GPR35: variants seen among roughly 807,000 people sequenced by gnomAD.
GPR35 encodes the protein KYNA receptor.
For synonymous variants in GPR35, 207 were observed against 198.4 expected, an observed-to-expected ratio of 1.04 and a Z score of -0.36; for missense variants, 372 against 422.5, an observed-to-expected ratio of 0.88 and a Z score of 1.05.
intron 4 of GPR35, among the ~76,000 whole-genome samples, chr2:240,618,294 CCA>C (rs1389499593): frequency 1.3e-5 from 2 of 152,160 alleles, no homozygotes; most frequent in Middle Eastern, 3.2e-3. Flanking sequence ...CAGTATATAA[CCA>C]CTGAAAATAG....
At position 240,632,034 on chromosome 2, in the gene GPR35, T is replaced by TG. The variant is rs1439864871; in HGVS notation, c.*1153dup. Among the ~76,000 whole-genome samples, 2 of 57,680 alleles carry TG rather than the reference T, an allele frequency of 3.5e-5. No homozygotes were observed. Among genetic ancestry groups the TG allele is most frequent in the Non-Finnish European group, 6.2e-5 (1 of 16,206 alleles). The allele number at this position is 57,680 out of a possible 152,430, so 37.8% of individuals were successfully genotyped here. On this transcript the variant is annotated 3_prime_UTR_variant, in exon 2 of 2. Coordinates refer to ENST00000407714, the MANE Select transcript of GPR35 (RefSeq NM_005301.5). ...AGGGCTCTGTGCCTAAAAGGGTGCA[T>TG]GCCCAGGTGGGCCCATGCCCAGGAA...
In GPR35 at chr2:240,630,936, C is replaced by T. The variant is rs2043440809; in HGVS notation, c.*54C>T. Reference sequence around the variant, plus strand: ...GTCTCGGGGGCTCCGGGAGGTGCTGCCTGCCAGGGGAAGCTGGAACCAGTA... The same window carrying T: ...GTCTCGGGGGCTCCGGGAGGTGCTGTCTGCCAGGGGAAGCTGGAACCAGTA... On this transcript the variant is annotated 3_prime_UTR_variant, in exon 2 of 2. Transcript: ENST00000407714. 4.1e-6 allele frequency: 6 copies of T among 1,465,090 alleles called. No individual in the cohort carries two copies. Among genetic ancestry groups the T allele is most frequent in the Non-Finnish European group, 5.6e-6 (6 of 1,062,968 alleles). 90.8% of individuals were successfully genotyped at this position (1,465,090 alleles called of 1,614,324 possible). A position where few individuals can be genotyped will look rare whatever the true frequency, so the allele number is the denominator to read the frequency against.
upstream of GPR35, among the ~76,000 whole-genome samples, chr2:240,620,585 C>G (rs1287091478): frequency 6.6e-6 from 1 of 152,130 alleles, no homozygotes; most frequent in Non-Finnish European, 1.5e-5. Flanking sequence ...CCTTCCAGAC[C>G]CCTGGGACCC....
intron 2 of GPR35, chr2:240,616,332 A>T (rs1299860212): frequency 6.9e-6 from 5 of 725,366 alleles, no homozygotes; most frequent in Middle Eastern, 3.0e-4. Context: ...CGGCCGACAT[A>T]CCTGTTGGGT....
chr2:240,616,083 CTTTTG>C, intron 2 of GPR35, among the ~76,000 whole-genome samples: 1 of 152,302 alleles, frequency 6.6e-6, no homozygotes, highest in Admixed American at 6.5e-5. Context: ...AGGCCAGATC[CTTTTG>C]TTTGAGCCTT....
intron 2 of GPR35, among the ~76,000 whole-genome samples, chr2:240,615,026 ATG>A (rs1288155360): frequency 2.0e-5 from 3 of 151,612 alleles, no homozygotes; most frequent in South Asian, 2.1e-4. Context: ...TGCTTGTGTG[ATG>A]TGTCTGTTTT....
chr2:240,630,170 T>C lies in GPR35; in HGVS notation c.218T>C (p.Leu73Ser). The change falls in exon 2 of 2, where the codon TTG (leucine) becomes TCG (serine). Residue 73 changes from leucine (L) to serine (S), a missense_variant. By Grantham distance (145) the Leu-to-Ser change is moderately radical. Transcript: ENST00000407714. ...AVADLCLLCTLPFVLHSLRDT... is the reference protein window; with the variant it reads ...AVADLCLLCTSPFVLHSLRDT... Reference sequence around the variant, plus strand: ...GCCGACCTCTGCCTGCTGTGCACCTTGCCCTTCGTGCTGCACTCCCTGCGA... The same window carrying C: ...GCCGACCTCTGCCTGCTGTGCACCTCGCCCTTCGTGCTGCACTCCCTGCGA... The C allele has an allele frequency of 6.3e-7, 1 of 1,593,306 alleles. No individual in the cohort carries two copies. Among genetic ancestry groups the C allele is most frequent in the East Asian group, 2.2e-5 (1 of 44,570 alleles).
upstream of GPR35, among the ~76,000 whole-genome samples, chr2:240,623,147 T>C (rs1157451787): frequency 1.3e-5 from 2 of 152,020 alleles, no homozygotes; most frequent in East Asian, 3.9e-4. Flanking sequence ...GGGTGAGCGG[T>C]CGTCGAGCTT....
upstream of GPR35, among the ~76,000 whole-genome samples, chr2:240,623,499 G>GCGCAAACAGA (rs1401866126): frequency 2.1e-5 from 3 of 144,766 alleles, no homozygotes; most frequent in Admixed American, 6.8e-5. Flanking sequence ...GGTCGTGAGG[G>GCGCAAACAGA]TGCAAACAGG....
intron 2 of GPR35, among the ~76,000 whole-genome samples, chr2:240,613,768 C>A (rs1174667603): frequency 6.8e-6 from 1 of 147,536 alleles, no homozygotes; most frequent in Non-Finnish European, 1.5e-5. Flanking sequence ...CTAACCGAAA[C>A]CCTAACTCTA....
chr2:240,617,832 C>T (rs995688103), intron 4 of GPR35: 5 of 155,422 alleles, frequency 3.2e-5, no homozygotes, highest in African/African-American at 9.7e-5. Flanking sequence ...ACTCCTGAGC[C>T]CCTTTGGCAC....
Position 240,630,086 on chromosome 2 carries a change from T to G in GPR35, c.134T>G (p.Phe45Cys), listed in dbSNP as rs144295667. Residue 45 changes from phenylalanine (F) to cysteine (C), a missense_variant, in exon 2 of 2, where the codon TTC becomes TGC. Physicochemically the swap from Phe to Cys is radical, Grantham distance 205. Coordinates refer to ENST00000407714, the MANE Select transcript of GPR35 (RefSeq NM_005301.5). The part of the protein sequence containing the change: ...LLLNSLALWV[F>C]CCRMQQWTET... ...CTCAACAGCCTGGCGCTCTGGGTGT[T>G]CTGCTGCCGCATGCAGCAGTGGACG... The G allele has an allele frequency of 6.2e-7, 1 of 1,610,658 alleles. No individual in the cohort carries two copies. Among genetic ancestry groups the G allele is most frequent in the African/African-American group, 1.3e-5 (1 of 74,936 alleles).
Position 240,630,780 on chromosome 2 carries a change from C to A in GPR35, c.828C>A (p.Tyr276Ter). ...DANCCLDAICYYYMAKEFQEA... is the reference protein window; with the variant it reads ...DANCCLDAIC The stretch of plus-strand genomic sequence containing the variant: ...ACTGCTGCCTGGACGCCATCTGCTA[C>A]TACTACATGGCCAAGGAGTTCCAGG... The change falls in exon 2 of 2, where the codon TAC (tyrosine) becomes TAA (stop). Residue 276 changes from tyrosine (Y) to a stop codon, truncating the protein, a stop_gained. Transcript: ENST00000407714. LOFTEE classifies it low-confidence loss of function (END_TRUNC). The A allele has an allele frequency of 6.2e-7, 1 of 1,613,558 alleles. No individual in the cohort carries two copies. The highest frequency in any genetic ancestry group is 8.5e-7 in the Non-Finnish European group (1 of 1,180,024).
rs551415371 is a variant in GPR35, at chr2:240,632,168, C to T, written c.*1286C>T. On this transcript the variant is annotated 3_prime_UTR_variant, in exon 2 of 2. Coordinates refer to ENST00000407714, the MANE Select transcript of GPR35 (RefSeq NM_005301.5). ...GGTCCCATGTCCGGGAGGGTCCATA[C>T]GCAAGGGTGTCCATGCCTGGTTGGG... Among the ~76,000 whole-genome samples, 15 of 150,976 alleles carry T rather than the reference C, an allele frequency of 9.9e-5. No homozygotes were observed. Among genetic ancestry groups the T allele is most frequent in the South Asian group, 4.2e-4 (2 of 4,756 alleles).
chr2:240,615,468 A>G (rs2043229110), intron 2 of GPR35, among the ~76,000 whole-genome samples: 2 of 152,252 alleles, frequency 1.3e-5, no homozygotes, highest in Non-Finnish European at 2.9e-5. Flanking sequence ...GTGTTTGGCC[A>G]CCTTTGGTTT....
intron 1 of GPR35, among the ~76,000 whole-genome samples, chr2:240,625,985 A>G (rs2043369889): frequency 1.5e-5 from 1 of 66,772 alleles, no homozygotes; most frequent in Non-Finnish European, 3.2e-5. Flanking sequence ...GGGTTCTCAG[A>G]GCAGGGTGAG....
chr2:240,618,100 C>T (rs1254908099), intron 4 of GPR35, among the ~76,000 whole-genome samples: 1 of 151,896 alleles, frequency 6.6e-6, no homozygotes, highest in African/African-American at 2.4e-5. Flanking sequence ...ATTATGAGTA[C>T]AAATGGATAC....
chr2:240,630,718 C>CG lies in GPR35; in HGVS notation c.767dup (p.Ala257ArgfsTer40). ...CTGTGCCCTCCTGGAGACGATCCGTCGCGCCCTGTACATAACCAGCAAGCT... is the reference window on the plus strand; with the variant it reads ...CTGTGCCCTCCTGGAGACGATCCGTCGGCGCCCTGTACATAACCAGCAAGCT... On this transcript the variant is annotated frameshift_variant, in exon 2 of 2. Coordinates refer to ENST00000407714, the MANE Select transcript of GPR35 (RefSeq NM_005301.5). LOFTEE classifies it low-confidence loss of function (END_TRUNC). 6.2e-7 allele frequency: 1 copy of CG among 1,613,528 alleles called. No individual in the cohort carries two copies. The highest frequency in any genetic ancestry group is 8.5e-7 in the Non-Finnish European group (1 of 1,180,030).
chr2:240,606,791 G>T (rs1044430992), intron 2 of GPR35, among the ~76,000 whole-genome samples: 1 of 152,242 alleles, frequency 6.6e-6, no homozygotes, highest in Non-Finnish European at 1.5e-5. Flanking sequence ...TATGGCAAGA[G>T]CTGAGGCTGG....
Sources: allele counts gnomAD v4.1 joint callset (sites outside exome capture counted in the v4.1 genomes callset), GRCh38; gene constraint gnomAD v4.1.1; transcripts MANE v1.5; gene names NCBI Gene and HGNC (gene_info 2026-07-23, HGNC 2026-07-21).